Variants in KRABD5 observed in about 807,000 individuals in gnomAD.
KRABD5 encodes the protein KRAB domain containing 5.
the KRABD5 span, among the ~76,000 whole-genome samples, chr16:31,742,100 T>C: frequency 6.6e-6 from 1 of 152,066 alleles, no homozygotes; most frequent in Admixed American, 6.6e-5. Context: ...TGATTGTAAG[T>C]GTGTGCCTCT....
chr16:31,714,550 A>T, the KRABD5 span: 1 of 378,462 alleles, frequency 2.6e-6, no homozygotes, highest in Non-Finnish European at 5.2e-6. Context: ...GGAAGAAGGC[A>T]CCCCACCTCG....
At chr16:31,730,376 C>A in the KRABD5 span, among the ~76,000 whole-genome samples, 2 of 151,972 alleles carry the variant, frequency 1.3e-5, no homozygotes, top group African/African-American at 2.4e-5. Flanking sequence ...TATATGGTAT[C>A]ACTCCCATTT....
At chr16:31,753,120 G>A in the KRABD5 span, among the ~76,000 whole-genome samples, 5 of 152,096 alleles carry the variant, frequency 3.3e-5, no homozygotes, top group East Asian at 1.9e-4. Flanking sequence ...TACCCATCAG[G>A]TACTCTAGTC....
the KRABD5 span, among the ~76,000 whole-genome samples, chr16:31,727,067 C>CT: frequency 6.6e-6 from 1 of 152,112 alleles, no homozygotes; most frequent in African/African-American, 2.4e-5. Context: ...GTTTGCTTAA[C>CT]TTTTTTTCTC....
the KRABD5 span, among the ~76,000 whole-genome samples, chr16:31,735,298 T>G: frequency 6.6e-6 from 1 of 152,224 alleles, no homozygotes; most frequent in African/African-American, 2.4e-5. Flanking sequence ...CACATTTTCT[T>G]TATCCATTTA....
the KRABD5 span, among the ~76,000 whole-genome samples, chr16:31,738,831 G>A: frequency 6.6e-6 from 1 of 151,912 alleles, no homozygotes; most frequent in Non-Finnish European, 1.5e-5. Context: ...ACTTCTCTCT[G>A]TGTATCTATT....
the KRABD5 span, chr16:31,754,386 A>G: frequency 3.3e-6 from 2 of 613,540 alleles, no homozygotes; most frequent in Admixed American, 2.9e-5. Flanking sequence ...TATCACACAC[A>G]TAATAAAACT....
chr16:31,716,530 C>A, the KRABD5 span, among the ~76,000 whole-genome samples: 2 of 152,154 alleles, frequency 1.3e-5, no homozygotes, highest in East Asian at 1.9e-4. Flanking sequence ...ATGTGCCCCC[C>A]ACACCTGGCT....
chr16:31,720,445 A>C, the KRABD5 span, among the ~76,000 whole-genome samples: 1 of 152,202 alleles, frequency 6.6e-6, no homozygotes, highest in African/African-American at 2.4e-5. Flanking sequence ...CAGAATACCA[A>C]ATGATGTGTA....
the KRABD5 span, chr16:31,733,481 A>G: frequency 6.6e-6 from 3 of 455,920 alleles, no homozygotes; most frequent in African/African-American, 6.0e-5. Context: ...TTGTTTTACA[A>G]GAGGTTTGTA....
chr16:31,726,535 T>C, the KRABD5 span, among the ~76,000 whole-genome samples: 3 of 152,034 alleles, frequency 2.0e-5, no homozygotes, highest in African/African-American at 7.2e-5. Context: ...CCGAAGCAGG[T>C]GGATCACTTG....
At chr16:31,753,921 G>A in the KRABD5 span, 1 of 1,550,776 alleles carries the variant, frequency 6.4e-7, no homozygotes, top group Admixed American at 2.0e-5. Context: ...AGGTCACAAT[G>A]GATATTATGA....
At chr16:31,714,076 C>T in the KRABD5 span, among the ~76,000 whole-genome samples, 7 of 152,342 alleles carry the variant, frequency 4.6e-5, no homozygotes, top group African/African-American at 1.7e-4. Context: ...CAGGTCCTCT[C>T]TTTTGCAGTG....
the KRABD5 span, among the ~76,000 whole-genome samples, chr16:31,732,921 T>G: frequency 6.6e-6 from 1 of 152,178 alleles, no homozygotes; most frequent in Non-Finnish European, 1.5e-5. Flanking sequence ...GCATTATTTT[T>G]TAATAGAATA....
At chr16:31,721,998 C>T in the KRABD5 span, among the ~76,000 whole-genome samples, 2 of 152,218 alleles carry the variant, frequency 1.3e-5, no homozygotes, top group Non-Finnish European at 2.9e-5. Context: ...TTATATACAA[C>T]TGATTGTGGA....
At chr16:31,752,925 C>G in the KRABD5 span, among the ~76,000 whole-genome samples, 2 of 152,250 alleles carry the variant, frequency 1.3e-5, no homozygotes, top group East Asian at 3.9e-4. Context: ...TCTAGCTTCA[C>G]TTGGATATTA....
the KRABD5 span, among the ~76,000 whole-genome samples, chr16:31,734,740 CCTTTTCTTTTT>C: frequency 1.3e-5 from 2 of 151,156 alleles, no homozygotes; most frequent in African/African-American, 4.9e-5. Context: ...GCTTTTTTTT[CCTTTTCTTTTT>C]CTTTTTTTTT....
At chr16:31,752,572 T>C in the KRABD5 span, among the ~76,000 whole-genome samples, 1 of 152,200 alleles carries the variant, frequency 6.6e-6, no homozygotes, top group African/African-American at 2.4e-5. Context: ...TCTCATTTCT[T>C]AAAGAAGTCA....
chr16:31,749,134 G>T, the KRABD5 span, among the ~76,000 whole-genome samples: 2 of 152,212 alleles, frequency 1.3e-5, no homozygotes, highest in East Asian at 3.9e-4. Context: ...TGAGATCTGG[G>T]TTCTTTCCCT....
Sources: gnomAD v4.1 joint callset for allele counts (sites outside exome capture counted in the v4.1 genomes callset) on GRCh38, gnomAD v4.1.1 for gene constraint, MANE v1.5 for transcripts, NCBI Gene and HGNC (gene_info 2026-07-23, HGNC 2026-07-21) for gene names.